The following RAPGEFL1 variants were observed in gnomAD, a reference collection of about 807,000 sequenced individuals.
The protein encoded by RAPGEFL1 is Rap guanine nucleotide exchange factor like 1.
A neutral mutation model predicts 64.4 loss-of-function variants in RAPGEFL1; 31 were observed. The observed-to-expected ratio is 0.48, with a 90% CI of 0.36 to 0.65. The LOEUF is 0.65. RAPGEFL1 is among the 30% of genes least tolerant of loss of function. RAPGEFL1 has a pLI of 0.00. For synonymous variants in RAPGEFL1, 331 were observed against 274.1 expected (o/e 1.21, Z -2.05); for missense variants, 682 against 677.4 (o/e 1.01, Z -0.08).
chr17:40,190,538 A>G lies in RAPGEFL1; in HGVS notation c.1212+7A>G, dbSNP rs760330946. 7 of 1,614,118 alleles carry G rather than the reference A, an allele frequency of 4.3e-6. No individual in the cohort carries two copies. The highest frequency in any genetic ancestry group is 1.6e-4 in the Middle Eastern group (1 of 6,062). ...GGACAGCTATGAGGCTCTGGTAAGAACTTCCCAAGGCCTTGACTGGAATGG... is the reference window on the plus strand; with the variant it reads ...GGACAGCTATGAGGCTCTGGTAAGAGCTTCCCAAGGCCTTGACTGGAATGG... On this transcript the variant is annotated splice_region_variant and intron_variant, in intron 7 of 14. Coordinates refer to ENST00000620260, the MANE Select transcript of RAPGEFL1 (RefSeq NM_016339.6).
At chr17:40,177,394 C>T (rs907541632), upstream of RAPGEFL1, 2 of 442,360 alleles carry the variant, frequency 4.5e-6, no homozygotes, top group South Asian at 1.6e-5. Flanking sequence ...TCGTGCGGCG[C>T]GGGGGCGAGC....
At position 40,184,691 on chromosome 17, in the gene RAPGEFL1, G is replaced by T; in HGVS notation, c.833+13G>T. On this transcript the variant is annotated intron_variant, in intron 4 of 14. Transcript: ENST00000620260. Reference sequence around the variant, plus strand: ...CGGTGGAACTAAAGTGAGGGGGAGTGGGGCAGGGGCGGGAACAGGAAAGTG... The same window carrying T: ...CGGTGGAACTAAAGTGAGGGGGAGTTGGGCAGGGGCGGGAACAGGAAAGTG... The T allele has an allele frequency of 6.6e-7, 1 of 1,507,264 alleles. No homozygotes were observed. The highest frequency in any genetic ancestry group is 2.3e-5 in the East Asian group (1 of 42,916). The allele number at this position is 1,507,264 out of a possible 1,614,324, so 93.4% of individuals were successfully genotyped here.
Position 40,191,202 on chromosome 17 carries a change from C to T in RAPGEFL1, c.1336-114C>T. ...CCTTTCTATTTTTCTATTTTCCACC[C>T]CTTCCGCCCCCGCCCTCCTGCCTTT... On this transcript the variant is annotated intron_variant, in intron 8 of 14. Coordinates refer to ENST00000620260, the MANE Select transcript of RAPGEFL1 (RefSeq NM_016339.6). The surrounding 1 kb of genome is among the most constrained non-coding windows in gnomAD (Gnocchi z 5.1). 9 of 946,214 alleles carry T rather than the reference C, an allele frequency of 9.5e-6. No homozygotes were observed. Among genetic ancestry groups the T allele is most frequent in the East Asian group, 2.9e-5 (1 of 34,816 alleles). The allele number at this position is 946,214 out of a possible 1,614,324, so 58.6% of individuals were successfully genotyped here.
chr17:40,194,392 CT>C lies in RAPGEFL1; in HGVS notation c.*605del, dbSNP rs1363749625. 1 of 154,550 alleles carries C rather than the reference CT, an allele frequency of 6.5e-6. No homozygotes were observed. Among genetic ancestry groups the C allele is most frequent in the Non-Finnish European group, 1.4e-5 (1 of 69,664 alleles). 9.6% of individuals were successfully genotyped at this position (154,550 alleles called of 1,614,324 possible). ...GGTGCTACCCTTGTCTACTCTGCCC[CT>C]GGATGGTGCGGGGTGCTTTCTCCAC... On this transcript the variant is annotated 3_prime_UTR_variant, in exon 15 of 15. Transcript: ENST00000620260.
chr17:40,191,459 G>C lies in RAPGEFL1; in HGVS notation c.1479G>C (p.Ala493=), dbSNP rs896013340. The C allele has an allele frequency of 6.2e-7, 1 of 1,607,170 alleles. No individual in the cohort carries two copies. The highest frequency in any genetic ancestry group is 1.3e-5 in the African/African-American group (1 of 74,664). Residue 493 remains alanine, a synonymous_variant, in exon 9 of 15, where the codon GCG becomes GCC. Coordinates refer to ENST00000620260, the MANE Select transcript of RAPGEFL1 (RefSeq NM_016339.6). This position sits in a 1 kb window ranked among gnomAD's most constrained non-coding sequence, Gnocchi z 5.1. ...VLLCEAPGKR[A]QLLKKFIKIA... ...TCTGCGAGGCCCCGGGCAAGCGCGC[G>C]CAGCTGCTCAAGAAGTTCATCAAGA...
At chr17:40,183,935 C>G (rs1188732129) in intron 2 of RAPGEFL1, among the ~76,000 whole-genome samples, 1 of 149,276 alleles carries the variant, frequency 6.7e-6, no homozygotes, top group Admixed American at 6.7e-5. Context: ...CCTCTGCCTC[C>G]CAGGTTCAAA....
At chr17:40,181,501 C>G (rs1598438379) in intron 1 of RAPGEFL1, 115 bp from the exon 2 acceptor site, 1 of 675,358 alleles carries the variant, frequency 1.5e-6, no homozygotes, top group Non-Finnish European at 2.7e-6. Context: ...GTGGCTGGGG[C>G]TCCAGCCTGG....
At position 40,181,681 on chromosome 17, in the gene RAPGEFL1, G is replaced by A. The variant is rs1567691285; in HGVS notation, c.586G>A (p.Glu196Lys). 3 of 702,742 alleles carry A rather than the reference G, an allele frequency of 4.3e-6. No individual in the cohort carries two copies. Among genetic ancestry groups the A allele is most frequent in the Non-Finnish European group, 5.2e-6 (2 of 384,864 alleles). The allele number at this position is 702,742 out of a possible 1,614,324, so 43.5% of individuals were successfully genotyped here. ...LFLPTEKFLQ[E>K]LHQYFVRAGG... ...CCTCCCGACGGAGAAATTTCTGCAG[G>A]AGCTACACCAGTAATATCCTTTTGT... The change falls in exon 2 of 15, where the codon GAG becomes AAG. Residue 196 changes from glutamate (E) to lysine (K), a missense_variant. Coordinates refer to ENST00000620260, the MANE Select transcript of RAPGEFL1 (RefSeq NM_016339.6).
chr17:40,184,468 A>C, intron 3 of RAPGEFL1, 113 bp from the exon 4 acceptor site: 1 of 1,166,524 alleles, frequency 8.6e-7, no homozygotes. Context: ...AGGGGGCCTT[A>C]GCTTATATGG....
At chr17:40,181,836 C>T in intron 2 of RAPGEFL1, 142 bp downstream of exon 2, 1 of 586,494 alleles carries the variant, frequency 1.7e-6, no homozygotes, top group Non-Finnish European at 3.1e-6. Flanking sequence ...AATCCCAGCA[C>T]TTTGGGAGGC....
At chr17:40,182,053 A>G (rs986357850) in intron 2 of RAPGEFL1, among the ~76,000 whole-genome samples, 9 of 152,000 alleles carry the variant, frequency 5.9e-5, no homozygotes, top group Non-Finnish European at 1.0e-4. Flanking sequence ...ACTACACTCC[A>G]GCCTGAGTGA....
chr17:40,186,892 C>CAA (rs565969931), intron 4 of RAPGEFL1, among the ~76,000 whole-genome samples: 1 of 65,226 alleles, frequency 1.5e-5, no homozygotes, highest in Non-Finnish European at 3.2e-5. Context: ...GACTCTGTCT[C>CAA]AAAAAAAAAA....
rs368018032 is a variant in RAPGEFL1, at chr17:40,178,721, A to G, written c.520+340A>G. Among the ~76,000 whole-genome samples, 11 of 152,280 alleles carry G rather than the reference A, an allele frequency of 7.2e-5. No homozygotes were observed. In the East Asian group the frequency reaches 2.1e-3, roughly 29 times the overall value. ...TCCTGTGGCCCCAAATTAGGGCCTG[A>G]CACATTAAAATGGGAGCTGCCCAGC... On this transcript the variant is annotated intron_variant, in intron 1 of 14. Coordinates refer to ENST00000620260, the MANE Select transcript of RAPGEFL1 (RefSeq NM_016339.6).
chr17:40,188,362 C>T (rs563611842), intron 4 of RAPGEFL1, among the ~76,000 whole-genome samples: 2 of 152,304 alleles, frequency 1.3e-5, no homozygotes, highest in South Asian at 4.1e-4. Flanking sequence ...ATATTATCAA[C>T]ACCTCCTGCC....
chr17:40,181,466 G>A (rs1468700301), intron 1 of RAPGEFL1, 150 bp from the exon 2 acceptor site: 10 of 673,786 alleles, frequency 1.5e-5, no homozygotes, highest in East Asian at 5.7e-5. Context: ...GTATGTGTGC[G>A]CGTGTGCAGA....
chr17:40,190,573 G>A, intron 7 of RAPGEFL1, 42 bp downstream of exon 7: 9 of 1,614,130 alleles, frequency 5.6e-6, no homozygotes, highest in Non-Finnish European at 6.8e-6. Context: ...GAGGGCTGAG[G>A]AGGGCTGTGA....
chr17:40,184,222 G>C lies in RAPGEFL1; in HGVS notation c.608G>C (p.Arg203Pro). 5 of 1,610,808 alleles carry C rather than the reference G, an allele frequency of 3.1e-6. No homozygotes were observed. Among genetic ancestry groups the C allele is most frequent in the Non-Finnish European group, 4.2e-6 (5 of 1,177,466 alleles). Residue 203 changes from arginine to proline, a missense_variant, in exon 3 of 15, where the codon CGG becomes CCG. Coordinates refer to ENST00000620260, the MANE Select transcript of RAPGEFL1 (RefSeq NM_016339.6). The stretch of plus-strand genomic sequence containing the variant: ...CTTAACTTAAGGGTCAGCTTTGTTC[G>C]GGCAGGAGGCATGGAGGGCCCTGAA... The part of the protein sequence containing the change: ...FLQELHQYFV[R>P]AGGMEGPEGL...
chr17:40,180,938 A>G (rs142654741), intron 1 of RAPGEFL1, among the ~76,000 whole-genome samples: 4 of 152,262 alleles, frequency 2.6e-5, no homozygotes, highest in African/African-American at 9.6e-5. Context: ...AGTCAGGGCG[A>G]CCTTGTACCC....
chr17:40,179,127 C>T (rs564038489), intron 1 of RAPGEFL1, among the ~76,000 whole-genome samples: 119 of 151,400 alleles, frequency 7.9e-4, no homozygotes, highest in African/African-American at 2.8e-3. Context: ...AGTGCAGTGG[C>T]GCCATCTCAG....
Sources: gnomAD v4.1 joint callset for allele counts (sites outside exome capture counted in the v4.1 genomes callset) on GRCh38, gnomAD v4.1.1 for gene constraint, Gnocchi (gnomAD v3.1) non-coding constraint, MANE v1.5 for transcripts, NCBI Gene and HGNC (gene_info 2026-07-23, HGNC 2026-07-21) for gene names.